FRMPD1: variants seen among roughly 807,000 people sequenced by gnomAD.
The protein encoded by FRMPD1 is FERM and PDZ domain-containing protein 1.
FRMPD1 carries 76 observed loss-of-function variants against 117.8 expected under a neutral mutation model. That is an observed-to-expected ratio of 0.65 (90% confidence interval 0.54 to 0.78). The LOEUF is 0.78. Among genes scored for constraint, FRMPD1 ranks in the 30% least tolerant of loss-of-function variants. FRMPD1 has a pLI of 0.00. For missense variants in FRMPD1, 1,786 were observed against 1,964.5 expected (o/e 0.91, Z 1.72); for synonymous variants, 783 against 770.4 (o/e 1.02, Z -0.27).
the FRMPD1 span, among the ~76,000 whole-genome samples, chr9:37,642,069 G>T: frequency 4.6e-5 from 7 of 152,262 alleles, no homozygotes; most frequent in South Asian, 1.5e-3. Flanking sequence ...AAAACTATTG[G>T]AGTGAGAAAG....
intron 2 of FRMPD1, among the ~76,000 whole-genome samples, chr9:37,694,785 G>A (rs941335951): frequency 1.1e-4 from 17 of 152,016 alleles, no homozygotes; most frequent in African/African-American, 3.9e-4. Flanking sequence ...GGCTTCTTTC[G>A]CTTAGCATAA....
chr9:37,645,100 G>GAAA, the FRMPD1 span, among the ~76,000 whole-genome samples: 407 of 119,560 alleles, frequency 3.4e-3, 3 homozygotes, highest in African/African-American at 0.012. Context: ...TGAGCCAGCA[G>GAAA]AAAAAAAAAA....
intron 4 of FRMPD1, 56 bp downstream of exon 4, chr9:37,708,557 A>G (rs571447535): frequency 3.8e-6 from 4 of 1,054,542 alleles, no homozygotes; most frequent in South Asian, 1.3e-5. Context: ...AAGAACAAAG[A>G]TGGGCAACAG....
chr9:37,716,147 T>C (rs1450014212), intron 5 of FRMPD1, among the ~76,000 whole-genome samples: 11 of 152,164 alleles, frequency 7.2e-5, no homozygotes, highest in Admixed American at 7.2e-4. Context: ...AGAACGCTAG[T>C]AAAGCCCAAG....
Position 37,735,596 on chromosome 9 carries a change from G to A in FRMPD1, c.1263G>A (p.Lys421=), listed in dbSNP as rs1824081318. 1.9e-6 allele frequency: 3 copies of A among 1,614,036 alleles called. No individual in the cohort carries two copies. Among genetic ancestry groups the A allele is most frequent in the Non-Finnish European group, 2.5e-6 (3 of 1,179,854 alleles). ...ACATTGCCCTTCTAGTTGGAGCCAA[G>A]TATGGGATTAGCCAGGTTATCAATA... ...ESYIALLVGA[K]YGISQVINSK... The change falls in exon 13 of 16, where the codon AAG becomes AAA. Residue 421 remains lysine (K), a synonymous_variant. Coordinates refer to ENST00000377765, the MANE Select transcript of FRMPD1 (RefSeq NM_014907.3).
chr9:37,696,621 G>A (rs1336313579), intron 2 of FRMPD1, among the ~76,000 whole-genome samples: 1 of 152,148 alleles, frequency 6.6e-6, no homozygotes, highest in East Asian at 1.9e-4. Context: ...GAAATAGATT[G>A]CAAACCAATG....
the FRMPD1 span, among the ~76,000 whole-genome samples, chr9:37,632,640 G>A: frequency 6.6e-6 from 1 of 152,042 alleles, no homozygotes; most frequent in Non-Finnish European, 1.5e-5. Context: ...AAACCTTTTT[G>A]TGACAGCTCC....
intron 6 of FRMPD1, among the ~76,000 whole-genome samples, chr9:37,722,811 G>C (rs1302673791): frequency 6.6e-6 from 1 of 151,822 alleles, no homozygotes; most frequent in Non-Finnish European, 1.5e-5. Context: ...AAGTTTTAGG[G>C]TACATGTGCA....
At position 37,731,015 on chromosome 9, in the gene FRMPD1, G is replaced by C; in HGVS notation, c.770G>C (p.Arg257Pro). The change falls in exon 9 of 16, where the codon CGC becomes CCC. Residue 257 changes from arginine (R) to proline (P), a missense_variant. Physicochemically the swap from Arg to Pro is moderately radical, Grantham distance 103. Transcript: ENST00000377765. ...VVEREESHDY[R>P]CLFRVCFVPK... is the part of the protein sequence containing the mutation. ...GAAAGGGAGGAGTCACATGACTACC[G>C]CTGCCTCTTCAGGGTCTGTTTTGTT... The C allele has an allele frequency of 6.2e-7, 1 of 1,613,392 alleles. No individual in the cohort carries two copies.
intron 1 of FRMPD1, among the ~76,000 whole-genome samples, chr9:37,689,685 C>A (rs1479759151): frequency 6.6e-6 from 1 of 152,146 alleles, no homozygotes; most frequent in Non-Finnish European, 1.5e-5. Context: ...AGGAGCACAT[C>A]CTCTGTCAGC....
At chr9:37,705,068 A>G (rs1008870266) in intron 2 of FRMPD1, among the ~76,000 whole-genome samples, 5 of 152,040 alleles carry the variant, frequency 3.3e-5, no homozygotes, top group African/African-American at 1.2e-4. Flanking sequence ...ACATTCAGCT[A>G]ATCTGCTTTT....
Position 37,745,403 on chromosome 9 carries a change from T to C in FRMPD1, c.3371T>C (p.Val1124Ala), listed in dbSNP as rs546773017. ...GTTACAAACAAAAATGGCACCAACG[T>C]ATTTCAGGAGGAGTCTAGGAAGGAT... ...REVTNKNGTN[V>A]FQEESRKDSG... Residue 1124 changes from valine to alanine, a missense_variant, in exon 16 of 16, where the codon GTA becomes GCA. Val to Ala is a moderately conservative substitution (Grantham distance 64). Coordinates refer to ENST00000377765, the MANE Select transcript of FRMPD1 (RefSeq NM_014907.3). The C allele has an allele frequency of 1.2e-6, 2 of 1,614,112 alleles. No homozygotes were observed. The highest frequency in any genetic ancestry group is 2.7e-5 in the African/African-American group (2 of 75,036).
Position 37,745,089 on chromosome 9 carries a change from C to A in FRMPD1, c.3057C>A (p.Asp1019Glu). ...GCTCCTTCTCCCTCTCCAGTGGTGA[C>A]CCTAACCCAGACAGAGCCTGCCTGG... The part of the protein sequence containing the change: ...GDSSFSLSSG[D>E]PNPDRACLAS... Residue 1019 changes from aspartate to glutamate, a missense_variant, in exon 16 of 16, where the codon GAC (aspartate) becomes GAA (glutamate). Transcript: ENST00000377765. 2 of 1,614,118 alleles carry A rather than the reference C, an allele frequency of 1.2e-6. No individual in the cohort carries two copies. The highest frequency in any genetic ancestry group is 1.7e-6 in the Non-Finnish European group (2 of 1,179,990).
At chr9:37,700,904 A>C (rs1822506620) in intron 2 of FRMPD1, among the ~76,000 whole-genome samples, 1 of 152,202 alleles carries the variant, frequency 6.6e-6, no homozygotes, top group Non-Finnish European at 1.5e-5. Context: ...GCTTAGTTTG[A>C]TATTTATAAG....
At chr9:37,617,012 C>T in the FRMPD1 span, among the ~76,000 whole-genome samples, 112 of 152,306 alleles carry the variant, frequency 7.4e-4, 1 homozygote, top group East Asian at 0.017. Context: ...GCTTGCTTTC[C>T]GCAGACTGCA....
At chr9:37,646,120 G>A (rs558778784), upstream of FRMPD1, among the ~76,000 whole-genome samples, 67 of 152,268 alleles carry the variant, frequency 4.4e-4, no homozygotes, top group African/African-American at 1.6e-3. Context: ...TAACCCTCTC[G>A]CAGTACTCCA....
the FRMPD1 span, among the ~76,000 whole-genome samples, chr9:37,603,900 G>A: frequency 3.3e-5 from 5 of 152,054 alleles, no homozygotes; most frequent in African/African-American, 4.8e-5. Context: ...GGTTGGTCTC[G>A]AACTCCTGAC....
chr9:37,607,570 T>C, the FRMPD1 span, among the ~76,000 whole-genome samples: 1 of 152,208 alleles, frequency 6.6e-6, no homozygotes, highest in African/African-American at 2.4e-5. Context: ...GGTCTGTGAT[T>C]GTATGTGACC....
the FRMPD1 span, among the ~76,000 whole-genome samples, chr9:37,638,371 C>A: frequency 1.5e-3 from 226 of 152,192 alleles, 1 homozygote; most frequent in African/African-American, 5.0e-3. Flanking sequence ...CTGCGTCTGG[C>A]CTGGTTTATG....
Sources: gnomAD v4.1 joint callset for allele counts (sites outside exome capture counted in the v4.1 genomes callset) on GRCh38, gnomAD v4.1.1 for gene constraint, MANE v1.5 for transcripts, NCBI Gene and HGNC (gene_info 2026-07-23, HGNC 2026-07-21) for gene names.